Variants in CAPN2 observed in about 807,000 individuals in gnomAD.
CAPN2 encodes the protein calpain-2 catalytic subunit.
Under a neutral mutation model 102.3 loss-of-function variants are expected in CAPN2, and 92 were observed. The observed-to-expected ratio is 0.90, with a 90% CI of 0.76 to 1.07. CAPN2 has a LOEUF of 1.07. Ranked by LOEUF, CAPN2 falls within the 50% of genes least tolerant of loss-of-function variation. The probability of loss-of-function intolerance (pLI) is 0.00; values close to 1 mark genes in which losing one functional copy is unlikely to be tolerated. For synonymous variants in CAPN2, 340 were observed against 355.4 expected, an observed-to-expected ratio of 0.96 and a Z score of 0.49; for missense variants, 800 against 909.4, an observed-to-expected ratio of 0.88 and a Z score of 1.55.
chr1:223,757,064 G>A (rs1170405323), intron 10 of CAPN2, among the ~76,000 whole-genome samples: 3 of 152,162 alleles, frequency 2.0e-5, no homozygotes, highest in African/African-American at 7.2e-5. Flanking sequence ...AACAGGGCCC[G>A]CCTGGCCCTC....
intron 12 of CAPN2, 104 bp from the exon 13 acceptor site, chr1:223,761,477 T>G: frequency 2.0e-6 from 1 of 499,204 alleles, no homozygotes; most frequent in East Asian, 5.2e-5. Flanking sequence ...CCACCCCACC[T>G]ACCCCCTGCT....
At chr1:223,737,038 C>CA (rs200344078) in intron 2 of CAPN2, among the ~76,000 whole-genome samples, 2,365 of 148,776 alleles carry the variant, frequency 0.016, 53 homozygotes, top group African/African-American at 0.049. Flanking sequence ...GAACCTGTCT[C>CA]AAAAAAAAAT....
intron 11 of CAPN2, chr1:223,757,793 A>G: frequency 4.8e-6 from 1 of 207,984 alleles, no homozygotes; most frequent in Non-Finnish European, 9.5e-6. Context: ...CCCAATTCCC[A>G]GGCTGTGTGA....
At chr1:223,753,057 C>CTGGGGCTGCT in intron 9 of CAPN2, 101 bp downstream of exon 9, 3 of 1,069,794 alleles carry the variant, frequency 2.8e-6, no homozygotes, top group Non-Finnish European at 2.8e-6. Flanking sequence ...CTAGCAGCCC[C>CTGGGGCTGCT]AGGAGGCAGC....
upstream of CAPN2, among the ~76,000 whole-genome samples, chr1:223,711,424 A>G (rs1356306033): frequency 6.6e-5 from 10 of 152,218 alleles, no homozygotes; most frequent in Non-Finnish European, 2.9e-5. Flanking sequence ...CTCTCCCTAT[A>G]GTAACCCAAC....
Position 223,754,939 on chromosome 1 carries a change from C to A in CAPN2, c.1136-541C>A, listed in dbSNP as rs1216321604. On this transcript the variant is annotated intron_variant, in intron 9 of 20. Coordinates refer to ENST00000295006, the MANE Select transcript of CAPN2 (RefSeq NM_001748.5). The surrounding 1 kb of genome is among the most constrained non-coding windows in gnomAD (Gnocchi z 4.7). Reference sequence around the variant, plus strand: ...CATGAGGGGAAGCCACAGCTCTAACCACCCTGCGTTCCAGAGTGACAGACC... The same window carrying A: ...CATGAGGGGAAGCCACAGCTCTAACAACCCTGCGTTCCAGAGTGACAGACC... Among the ~76,000 whole-genome samples, 2 of 152,160 alleles carry A rather than the reference C, an allele frequency of 1.3e-5. No homozygotes were observed. Among genetic ancestry groups the A allele is most frequent in the Non-Finnish European group, 2.9e-5 (2 of 68,028 alleles).
intron 2 of CAPN2, among the ~76,000 whole-genome samples, chr1:223,737,970 T>G (rs1441653841): frequency 6.6e-6 from 1 of 151,934 alleles, no homozygotes; most frequent in Non-Finnish European, 1.5e-5. Context: ...TCTGTGCCAT[T>G]TATTTATCTA....
At position 223,744,289 on chromosome 1, in the gene CAPN2, T is replaced by G. The variant is rs189695844; in HGVS notation, c.426+71T>G. 2.8e-4 allele frequency: 278 copies of G among 988,546 alleles called. No individual in the cohort carries two copies. The African/African-American group carries it at 3.7e-3, about 13-fold the overall frequency. The allele number at this position is 988,546 out of a possible 1,614,324, so 61.2% of individuals were successfully genotyped here. A position where few individuals can be genotyped will look rare whatever the true frequency, so the allele number is the denominator to read the frequency against. ...GCTAGGAACAGTCTTCTGGCTTGGCTGGGTTCATCAGTCCCTGGTGTTTGC... is the reference window on the plus strand; with the variant it reads ...GCTAGGAACAGTCTTCTGGCTTGGCGGGGTTCATCAGTCCCTGGTGTTTGC... On this transcript the variant is annotated intron_variant, in intron 3 of 20. Coordinates refer to ENST00000295006, the MANE Select transcript of CAPN2 (RefSeq NM_001748.5).
chr1:223,701,780 A>C (rs928636063), exon 1 of CAPN2: 5 of 152,138 alleles, frequency 3.3e-5, no homozygotes, highest in Non-Finnish European at 7.3e-5. Context: ...TGGGAGGCCG[A>C]GGCAGACAGA....
intron 6 of CAPN2, chr1:223,749,377 C>A: frequency 5.2e-6 from 3 of 580,634 alleles, no homozygotes; most frequent in South Asian, 4.2e-5. Flanking sequence ...TTAGATGTTA[C>A]CCTGTTTTAC....
chr1:223,750,936 C>T lies in CAPN2; in HGVS notation c.860C>T (p.Pro287Leu). The change falls in exon 7 of 21, where the codon CCC becomes CTC. Residue 287 changes from proline (P) to leucine (L), a missense_variant. By Grantham distance (98) the Pro-to-Leu change is moderately conservative. Transcript: ENST00000295006. ...CAGAAACTGATCCGCATCCGAAATC[C>T]CTGGGGAGAAGTGGAGTGGACAGGG... The part of the protein sequence containing the change: ...SLQKLIRIRN[P>L]WGEVEWTGRW... 6.4e-7 allele frequency: 1 copy of T among 1,552,640 alleles called. No homozygotes were observed.
At chr1:223,738,819 T>C (rs906529581) in intron 2 of CAPN2, among the ~76,000 whole-genome samples, 5 of 152,204 alleles carry the variant, frequency 3.3e-5, no homozygotes, top group Admixed American at 3.3e-4. Flanking sequence ...ATTCTAGCAG[T>C]GAAAGTGGTT....
At chr1:223,722,548 C>T (rs1251105264) in intron 2 of CAPN2, among the ~76,000 whole-genome samples, 1 of 151,906 alleles carries the variant, frequency 6.6e-6, no homozygotes, top group Non-Finnish European at 1.5e-5. Flanking sequence ...GCCTTATCCT[C>T]CCAAGTGCTG....
intron 2 of CAPN2, among the ~76,000 whole-genome samples, chr1:223,736,032 T>C (rs1450773520): frequency 6.6e-6 from 1 of 152,078 alleles, no homozygotes; most frequent in African/African-American, 2.4e-5. Context: ...CCCACCTTGG[T>C]CTCCCAAAGT....
intron 2 of CAPN2, among the ~76,000 whole-genome samples, chr1:223,722,267 CTTTT>C (rs1660068598): frequency 3.8e-5 from 5 of 130,732 alleles, no homozygotes; most frequent in Non-Finnish European, 6.5e-5. Flanking sequence ...TCCTTTCTTT[CTTTT>C]TCTTTCTTTC....
chr1:223,760,752 C>T (rs1291408436), intron 12 of CAPN2, among the ~76,000 whole-genome samples: 1 of 152,214 alleles, frequency 6.6e-6, no homozygotes, highest in African/African-American at 2.4e-5. Flanking sequence ...GGTGAGCTCC[C>T]TACCCCAAGA....
At position 223,754,845 on chromosome 1, in the gene CAPN2, C is replaced by A. The variant is rs901045694; in HGVS notation, c.1136-635C>A. Among the ~76,000 whole-genome samples the A allele has an allele frequency of 1.3e-5, 2 of 152,040 alleles. No individual in the cohort carries two copies. Reference sequence around the variant, plus strand: ...CGACCGGCAAGTGCAGGGAGCAGATCCCGGAGTCCCCCAGGCCAGCCGAGC... The same window carrying A: ...CGACCGGCAAGTGCAGGGAGCAGATACCGGAGTCCCCCAGGCCAGCCGAGC... On this transcript the variant is annotated intron_variant, in intron 9 of 20. Transcript: ENST00000295006. The surrounding 1 kb of genome is among the most constrained non-coding windows in gnomAD (Gnocchi z 4.7).
chr1:223,717,514 G>T (rs534489021), intron 1 of CAPN2, among the ~76,000 whole-genome samples: 27 of 152,284 alleles, frequency 1.8e-4, no homozygotes, highest in African/African-American at 6.3e-4. Flanking sequence ...GAGGCTCCAG[G>T]CAGTCCAGAG....
chr1:223,718,739 C>G (rs544818453), intron 2 of CAPN2, among the ~76,000 whole-genome samples: 2 of 152,348 alleles, frequency 1.3e-5, no homozygotes, highest in South Asian at 4.1e-4. Context: ...GTTGTACCTC[C>G]TGTCCTCACC....
Sources: allele counts gnomAD v4.1 joint callset (sites outside exome capture counted in the v4.1 genomes callset), GRCh38; gene constraint gnomAD v4.1.1; non-coding constraint Gnocchi (gnomAD v3.1); transcripts MANE v1.5; gene names NCBI Gene and HGNC (gene_info 2026-07-23, HGNC 2026-07-21).